Variants in CCDC170 observed in about 807,000 individuals in gnomAD.
CCDC170 encodes coiled-coil domain-containing protein 170.
CCDC170 carries 69 observed loss-of-function variants against 72.6 expected under a neutral mutation model. That is an observed-to-expected ratio of 0.95 (90% confidence interval 0.78 to 1.16). CCDC170 has a LOEUF of 1.16. CCDC170 is among the 50% of genes most tolerant of loss of function. The pLI is 0.00. For missense variants in CCDC170, 852 were observed against 832.5 expected (o/e 1.02, Z -0.29); for synonymous variants, 300 against 303.9 (o/e 0.99, Z 0.13).
intron 5 of CCDC170, among the ~76,000 whole-genome samples, chr6:151,562,590 G>T (rs1355926839): frequency 1.3e-5 from 2 of 152,126 alleles, no homozygotes; most frequent in Admixed American, 6.6e-5. Flanking sequence ...TGGTTGTCAG[G>T]ATCTAAAATT....
intron 9 of CCDC170, among the ~76,000 whole-genome samples, chr6:151,606,203 A>G (rs1443854933): frequency 6.6e-6 from 1 of 152,208 alleles, no homozygotes; most frequent in Non-Finnish European, 1.5e-5. Flanking sequence ...CACCTGGCCT[A>G]TGCCACCATT....
chr6:151,512,098 A>G (rs1583003541), intron 1 of CCDC170, among the ~76,000 whole-genome samples: 1 of 150,682 alleles, frequency 6.6e-6, no homozygotes, highest in Non-Finnish European at 1.5e-5. Flanking sequence ...TCTTATCTCA[A>G]CCTCCCAATG....
rs75760650 is a variant in CCDC170, at chr6:151,605,687, A to G, written c.1710+9110A>G. On this transcript the variant is annotated intron_variant, in intron 9 of 10. Coordinates refer to ENST00000239374, the MANE Select transcript of CCDC170 (RefSeq NM_025059.4). Reference sequence around the variant, plus strand: ...GTTTTCTGCACTTGTGGTGCTGGGAAGGTTGAGGGGAGGGGCATTGTGGCT... The same window carrying G: ...GTTTTCTGCACTTGTGGTGCTGGGAGGGTTGAGGGGAGGGGCATTGTGGCT... Among the ~76,000 whole-genome samples, 1,468 of 152,140 alleles carry G rather than the reference A, an allele frequency of 9.6e-3. 21 individuals carry two copies. The highest frequency in any genetic ancestry group is 0.034 in the African/African-American group (1,422 of 41,502).
At chr6:151,507,441 C>G (rs1461893754) in intron 1 of CCDC170, among the ~76,000 whole-genome samples, 1 of 152,054 alleles carries the variant, frequency 6.6e-6, no homozygotes, top group Admixed American at 6.6e-5. Flanking sequence ...AGTTCAGGAG[C>G]ATCTGTGTTT....
At chr6:151,560,262 G>T (rs1783055511) in intron 5 of CCDC170, among the ~76,000 whole-genome samples, 1 of 152,098 alleles carries the variant, frequency 6.6e-6, no homozygotes, top group African/African-American at 2.4e-5. Context: ...ATGTGCTTGT[G>T]TGGTTTTGGG....
At chr6:151,571,879 A>T (rs553433281) in intron 5 of CCDC170, among the ~76,000 whole-genome samples, 1 of 152,308 alleles carries the variant, frequency 6.6e-6, no homozygotes, top group East Asian at 1.9e-4. Flanking sequence ...ATTTTGAGAC[A>T]AGGTCATGCT....
intron 1 of CCDC170, among the ~76,000 whole-genome samples, chr6:151,506,186 C>T (rs1782063736): frequency 6.6e-6 from 1 of 152,148 alleles, no homozygotes; most frequent in African/African-American, 2.4e-5. Context: ...ATGGACCCAT[C>T]AGCAATATCT....
chr6:151,529,254 C>T (rs953919003), intron 1 of CCDC170, among the ~76,000 whole-genome samples: 2 of 152,204 alleles, frequency 1.3e-5, no homozygotes, highest in Admixed American at 6.5e-5. Flanking sequence ...AGATCTATCT[C>T]ATATTACCTG....
At chr6:151,501,691 A>G (rs893533904) in intron 1 of CCDC170, among the ~76,000 whole-genome samples, 6 of 152,224 alleles carry the variant, frequency 3.9e-5, no homozygotes, top group Non-Finnish European at 7.3e-5. Context: ...TTTTCTTTGC[A>G]TATTTTAAAG....
chr6:151,577,235 C>A (rs1776315435), intron 6 of CCDC170, among the ~76,000 whole-genome samples: 1 of 152,080 alleles, frequency 6.6e-6, no homozygotes. Context: ...TGGCCTCTAC[C>A]CGCTAGTAGC....
chr6:151,556,019 G>A (rs1039531305), intron 5 of CCDC170, among the ~76,000 whole-genome samples: 1 of 152,206 alleles, frequency 6.6e-6, no homozygotes, highest in Non-Finnish European at 1.5e-5. Flanking sequence ...GCTGAGGCTG[G>A]CAGATCACTT....
intron 3 of CCDC170, among the ~76,000 whole-genome samples, chr6:151,541,656 A>G (rs1259774106): frequency 6.6e-6 from 1 of 151,882 alleles, no homozygotes; most frequent in Non-Finnish European, 1.5e-5. Flanking sequence ...TATTTTTTAT[A>G]CAGAAAAGTG....
chr6:151,583,956 A>G (rs1312312065), intron 6 of CCDC170, among the ~76,000 whole-genome samples: 1 of 152,226 alleles, frequency 6.6e-6, no homozygotes, highest in Non-Finnish European at 1.5e-5. Context: ...GGCACCCCAA[A>G]CACTGCAATA....
intron 1 of CCDC170, among the ~76,000 whole-genome samples, chr6:151,519,358 C>T (rs1047082586): frequency 2.6e-5 from 4 of 152,260 alleles, no homozygotes; most frequent in Non-Finnish European, 4.4e-5. Context: ...CTATTCTGCC[C>T]GACCCCGCAG....
chr6:151,574,998 C>T (rs1776280895), intron 6 of CCDC170, among the ~76,000 whole-genome samples: 1 of 152,018 alleles, frequency 6.6e-6, no homozygotes, highest in Non-Finnish European at 1.5e-5. Flanking sequence ...TGGTTTAATT[C>T]ACGTATATGA....
chr6:151,503,048 G>A (rs1782014477), intron 1 of CCDC170, among the ~76,000 whole-genome samples: 1 of 152,048 alleles, frequency 6.6e-6, no homozygotes, highest in Non-Finnish European at 1.5e-5. Context: ...ATGGTGGTGC[G>A]CACCTGTAGT....
intron 6 of CCDC170, among the ~76,000 whole-genome samples, chr6:151,582,856 A>G (rs950710187): frequency 1.3e-5 from 2 of 152,224 alleles, no homozygotes. Context: ...CAAGTCATTC[A>G]TGAAGGATCT....
At chr6:151,544,803 G>A (rs1020085273) in intron 4 of CCDC170, 87 bp downstream of exon 4, 4 of 1,386,900 alleles carry the variant, frequency 2.9e-6, no homozygotes, top group African/African-American at 1.4e-5. Flanking sequence ...TGAGTTTGGG[G>A]GTGGCAGGAG....
chr6:151,597,320 G>T (rs1260368284), intron 9 of CCDC170, among the ~76,000 whole-genome samples: 1 of 151,834 alleles, frequency 6.6e-6, no homozygotes, highest in African/African-American at 2.4e-5. Context: ...TAGAGACAGG[G>T]TTTCACCATG....
Sources: allele counts gnomAD v4.1 joint callset (sites outside exome capture counted in the v4.1 genomes callset), GRCh38; gene constraint gnomAD v4.1.1; transcripts MANE v1.5; gene names NCBI Gene and HGNC (gene_info 2026-07-23, HGNC 2026-07-21).